DTWD2: variants seen among roughly 807,000 people sequenced by gnomAD.
DTWD2 encodes the protein tRNA-uridine aminocarboxypropyltransferase 2.
A neutral mutation model predicts 31.8 loss-of-function variants in DTWD2; 39 were observed. The observed-to-expected ratio is 1.22, with a 90% CI of 0.95 to 1.60. The LOEUF (loss-of-function observed/expected upper bound fraction) is 1.60. DTWD2 is among the 40% of genes most tolerant of loss of function. DTWD2 has a pLI of 0.00. For missense variants in DTWD2, 515 were observed against 381.5 expected (o/e 1.35, Z -2.92); for synonymous variants, 180 against 142.8 (o/e 1.26, Z -1.86).
intron 1 of DTWD2, among the ~76,000 whole-genome samples, chr5:118,953,102 C>T (rs923057728): frequency 4.6e-5 from 7 of 152,194 alleles, no homozygotes; most frequent in Non-Finnish European, 8.8e-5. Flanking sequence ...TTAAACTAGA[C>T]AGCTGAGCCC....
At chr5:118,853,896 G>T (rs1039348692) in intron 4 of DTWD2, among the ~76,000 whole-genome samples, 6 of 152,166 alleles carry the variant, frequency 3.9e-5, no homozygotes, top group Non-Finnish European at 7.3e-5. Flanking sequence ...AAGTTTAGGG[G>T]GTTTTGTGAC....
At chr5:118,931,398 T>TA (rs535859715) in intron 3 of DTWD2, among the ~76,000 whole-genome samples, 4,951 of 109,700 alleles carry the variant, frequency 0.045, 261 homozygotes, top group African/African-American at 0.13. Flanking sequence ...GACCTTGTCT[T>TA]AAAAAAAAAA....
chr5:118,844,628 T>C (rs1371853684), intron 5 of DTWD2, among the ~76,000 whole-genome samples: 2 of 152,222 alleles, frequency 1.3e-5, no homozygotes, highest in South Asian at 2.1e-4. Flanking sequence ...TTATGTGGTC[T>C]GCCCACTTGC....
chr5:118,926,915 G>T (rs547081345), intron 4 of DTWD2, among the ~76,000 whole-genome samples: 74 of 152,152 alleles, frequency 4.9e-4, no homozygotes, highest in Non-Finnish European at 8.2e-4. Flanking sequence ...GTTTTAGTCA[G>T]CTTAGGCTGT....
At chr5:118,950,806 T>A (rs1199208276) in intron 1 of DTWD2, among the ~76,000 whole-genome samples, 1 of 152,230 alleles carries the variant, frequency 6.6e-6, no homozygotes, top group East Asian at 1.9e-4. Context: ...CAGAAATACA[T>A]TGCTGCTTGG....
In DTWD2 at chr5:118,872,674, C is replaced by T. The variant is rs187970191; in HGVS notation, c.598-24456G>A. Among the ~76,000 whole-genome samples, 152 of 152,208 alleles carry T rather than the reference C, an allele frequency of 1.0e-3. 3 individuals are homozygous for T. The South Asian group carries it at 0.01, about 10-fold the overall frequency. ...ATCAAATATCACTGATCACAGACCA[C>T]CACCATAACAGAAATAATACCAATG... On this transcript the variant is annotated intron_variant, in intron 4 of 5. Transcript: ENST00000510708.
intron 4 of DTWD2, among the ~76,000 whole-genome samples, chr5:118,902,368 C>A (rs1175798859): frequency 6.6e-6 from 1 of 152,032 alleles, no homozygotes; most frequent in Non-Finnish European, 1.5e-5. Flanking sequence ...TTATAGCGCA[C>A]ATGAATATAT....
intron 3 of DTWD2, among the ~76,000 whole-genome samples, chr5:118,936,285 C>G (rs968838911): frequency 3.3e-5 from 5 of 152,116 alleles, no homozygotes; most frequent in Non-Finnish European, 7.4e-5. Context: ...CACTTGTAAT[C>G]CCAGCACTTT....
At chr5:118,847,377 T>C (rs955116916) in intron 5 of DTWD2, among the ~76,000 whole-genome samples, 2 of 152,164 alleles carry the variant, frequency 1.3e-5, no homozygotes, top group African/African-American at 2.4e-5. Context: ...ATGAGTTGTA[T>C]TTATCAAAAC....
rs956069193 is a variant in DTWD2 at position 118,988,407 on chromosome 5, G to A, written c.105C>T (p.Gly35=). 3.1e-6 allele frequency: 5 copies of A among 1,599,268 alleles called. No homozygotes were observed. Among genetic ancestry groups the A allele is most frequent in the East Asian group, 2.3e-5 (1 of 44,076 alleles). The part of the protein sequence containing the change: ...TPNDKERREG[G]AVPAAAALGA... ...CCAGGGCAGCCGCCGCCGGCACTGC[G>A]CCGCCCTCCCGCCGCTCCTTGTCGT... Residue 35 remains glycine (G), a synonymous_variant, in exon 1 of 6, where the codon GGC becomes GGT. Coordinates refer to ENST00000510708, the MANE Select transcript of DTWD2 (RefSeq NM_173666.4).
intron 1 of DTWD2, among the ~76,000 whole-genome samples, chr5:118,964,746 A>G (rs1041923732): frequency 3.3e-5 from 5 of 152,164 alleles, no homozygotes; most frequent in African/African-American, 1.2e-4. Flanking sequence ...TCAGTGCTCA[A>G]TGTTGCCCAG....
intron 1 of DTWD2, among the ~76,000 whole-genome samples, chr5:118,947,998 G>A (rs1478636629): frequency 6.6e-6 from 1 of 152,150 alleles, no homozygotes; most frequent in East Asian, 1.9e-4. Context: ...CACATTTGAT[G>A]AATGATAATA....
chr5:118,852,991 T>C (rs1752046207), intron 4 of DTWD2, among the ~76,000 whole-genome samples: 1 of 152,126 alleles, frequency 6.6e-6, no homozygotes, highest in Non-Finnish European at 1.5e-5. Context: ...TGTTCTCATA[T>C]GTAAGTGAAA....
At chr5:118,979,808 C>CA (rs2149603298) in intron 1 of DTWD2, among the ~76,000 whole-genome samples, 1 of 152,304 alleles carries the variant, frequency 6.6e-6, no homozygotes, top group Admixed American at 6.5e-5. Context: ...TGAGAACACA[C>CA]AGACACAAAG....
intron 4 of DTWD2, among the ~76,000 whole-genome samples, chr5:118,921,213 A>G (rs1753695501): frequency 1.3e-5 from 2 of 152,198 alleles, no homozygotes; most frequent in South Asian, 4.1e-4. Flanking sequence ...AGAGGTGTGG[A>G]TATATTCTGC....
chr5:118,941,539 T>C (rs1754201218), intron 2 of DTWD2, among the ~76,000 whole-genome samples: 1 of 152,234 alleles, frequency 6.6e-6, no homozygotes, highest in African/African-American at 2.4e-5. Context: ...TAGTATTCCA[T>C]GGTGTATATG....
chr5:118,960,509 A>T (rs1029113949), intron 1 of DTWD2, among the ~76,000 whole-genome samples: 2 of 152,204 alleles, frequency 1.3e-5, no homozygotes, highest in Non-Finnish European at 2.9e-5. Flanking sequence ...CACTATGGAA[A>T]GCGGTTTAGC....
chr5:118,860,244 T>C (rs1580771367), intron 4 of DTWD2, among the ~76,000 whole-genome samples: 1 of 149,900 alleles, frequency 6.7e-6, no homozygotes, highest in South Asian at 2.1e-4. Flanking sequence ...TATTATAATC[T>C]TAAATGAATA....
At position 118,839,981 on chromosome 5, in the gene DTWD2, G is replaced by C. The variant is rs992515055; in HGVS notation, c.*936C>G. ...AGACTAAACAAAATCCCCTCTTCCT[G>C]CCAAAATGTGTACATAATTGCAGTA... On this transcript the variant is annotated 3_prime_UTR_variant, in exon 6 of 6. Transcript: ENST00000510708. 8.6e-5 allele frequency: 13 copies of C among 151,928 alleles called. No individual in the cohort carries two copies. Among genetic ancestry groups the C allele is most frequent in the African/African-American group, 1.2e-4 (5 of 41,360 alleles). The allele number at this position is 151,928 out of a possible 1,614,324, so 9.4% of individuals were successfully genotyped here.
Sources: allele counts gnomAD v4.1 joint callset (sites outside exome capture counted in the v4.1 genomes callset), GRCh38; gene constraint gnomAD v4.1.1; transcripts MANE v1.5; gene names NCBI Gene and HGNC (gene_info 2026-07-23, HGNC 2026-07-21).